Variants in UNK observed in about 807,000 individuals in gnomAD.
UNK encodes RING finger protein unkempt homolog.
In UNK, 32 loss-of-function variants were observed where a neutral mutation model predicts 97.6. The ratio of observed to expected loss-of-function variants is 0.33; its 90% CI spans 0.25 to 0.44. The LOEUF (loss-of-function observed/expected upper bound fraction) is 0.44. UNK is among the 20% of genes least tolerant of loss of function. The pLI, the probability that UNK is intolerant of heterozygous loss-of-function variation, is 1.00. For synonymous variants in UNK, 441 were observed against 461.2 expected (o/e 0.96, Z 0.56); for missense variants, 771 against 1,098.4 (o/e 0.70, Z 4.21).
chr17:75,796,569 G>A (rs534817559), intron 1 of UNK, among the ~76,000 whole-genome samples: 11 of 152,172 alleles, frequency 7.2e-5, no homozygotes, highest in African/African-American at 1.9e-4. Context: ...TCAAGCAGTC[G>A]TCCTGCCTCT....
Position 75,784,924 on chromosome 17 carries a change from C to T in UNK, c.44C>T (p.Ala15Val). The change falls in exon 1 of 16, where the codon GCG (alanine) becomes GTG (valine). Residue 15 changes from alanine to valine, a missense_variant. Coordinates refer to ENST00000589666, the MANE Select transcript of UNK (RefSeq NM_001080419.3). ...PGPGGSAASS[A>V]PPAATAQVLQ... ...CCCGGCGGCTCCGCAGCTTCCTCGG[C>T]GCCCCCGGCCGCTACCGCTCAGGTG... is the stretch of plus-strand genomic sequence containing the variant. The T allele has an allele frequency of 1.9e-6, 3 of 1,557,324 alleles. No homozygotes were observed. Among genetic ancestry groups the T allele is most frequent in the South Asian group, 1.2e-5 (1 of 85,448 alleles).
intron 1 of UNK, among the ~76,000 whole-genome samples, chr17:75,802,754 T>G (rs532858457): frequency 6.6e-5 from 10 of 152,162 alleles, no homozygotes; most frequent in Non-Finnish European, 1.3e-4. Context: ...TAAAACACAT[T>G]TTTGTTTGAG....
chr17:75,820,226 T>C, intron 13 of UNK, 118 bp downstream of exon 13: 1 of 1,081,466 alleles, frequency 9.2e-7, no homozygotes. Flanking sequence ...GGCAGAGGCC[T>C]TGGGCGAGGA....
chr17:75,792,517 T>G (rs774468775), intron 1 of UNK: 41 of 980,210 alleles, frequency 4.2e-5, no homozygotes, highest in Non-Finnish European at 4.8e-5. Flanking sequence ...ATATAAAAAT[T>G]ACATTAGCCT....
chr17:75,794,681 T>G (rs1008702777), intron 1 of UNK, among the ~76,000 whole-genome samples: 2 of 152,048 alleles, frequency 1.3e-5, no homozygotes, highest in Non-Finnish European at 2.9e-5. Context: ...GCATGGTAGT[T>G]AAGAGTACTG....
rs1437726965 is a variant in UNK at position 75,820,065 on chromosome 17, G to A, written c.1794G>A (p.Ser598=). ...AGCCCCAGGGCCACCTGAGTCAGTC[G>A]GAAAACACATTTTTGGGAACCTCAG... ...LQQPQGHLSQ[S]ENTFLGTSAS... The change falls in exon 13 of 16, where the codon TCG becomes TCA. Residue 598 remains serine (S), a synonymous_variant. Transcript: ENST00000589666. The A allele has an allele frequency of 6.2e-6, 10 of 1,613,456 alleles. No homozygotes were observed. The highest frequency in any genetic ancestry group is 5.0e-5 in the Admixed American group (3 of 59,926).
chr17:75,821,881 T>G, intron 13 of UNK: 1 of 363,962 alleles, frequency 2.7e-6, no homozygotes, highest in Non-Finnish European at 5.5e-6. Context: ...CATAGGCCTT[T>G]GGAACCACAC....
At position 75,825,550 on chromosome 17, in the gene UNK, T is replaced by G. The variant is rs2062112112; in HGVS notation, c.*1133T>G. The G allele has an allele frequency of 6.6e-6, 1 of 152,312 alleles. No individual in the cohort carries two copies. The highest frequency in any genetic ancestry group is 2.1e-4 in the South Asian group (1 of 4,842). The allele number at this position is 152,312 out of a possible 1,614,324, so 9.4% of individuals were successfully genotyped here. ...GTGTCTTAGCTTCCATTTTAAAAAT[T>G]GTTCTGTACAGAGAGAGATGCAGCA... On this transcript the variant is annotated 3_prime_UTR_variant, in exon 16 of 16. Coordinates refer to ENST00000589666, the MANE Select transcript of UNK (RefSeq NM_001080419.3). This position sits in a 1 kb window ranked among gnomAD's most constrained non-coding sequence, Gnocchi z 4.4.
Position 75,813,075 on chromosome 17 carries a change from C to T in UNK, c.623-3C>T, listed in dbSNP as rs930006156. The T allele has an allele frequency of 6.3e-7, 1 of 1,585,418 alleles. No individual in the cohort carries two copies. Among genetic ancestry groups the T allele is most frequent in the African/African-American group, 1.3e-5 (1 of 74,388 alleles). Reference sequence around the variant, plus strand: ...GACCCCTGCCCTCTGGCCCCCTGTGCAGAGACTGCTTATGTGCTGGGGAAC... The same window carrying T: ...GACCCCTGCCCTCTGGCCCCCTGTGTAGAGACTGCTTATGTGCTGGGGAAC... On this transcript the variant is annotated splice_region_variant and splice_polypyrimidine_tract_variant and intron_variant, in intron 4 of 15. Transcript: ENST00000589666.
chr17:75,814,489 C>CAAA (rs59234903), intron 6 of UNK, among the ~76,000 whole-genome samples: 878 of 69,050 alleles, frequency 0.013, 4 homozygotes, highest in Non-Finnish European at 0.017. Flanking sequence ...GAGACTCCAT[C>CAAA]AAAAAAAAAA....
chr17:75,799,610 C>T (rs2061837658), intron 1 of UNK, among the ~76,000 whole-genome samples: 1 of 152,188 alleles, frequency 6.6e-6, no homozygotes, highest in Non-Finnish European at 1.5e-5. Flanking sequence ...ACATCTCAAG[C>T]ACCTGCTGTG....
chr17:75,818,179 C>G lies in UNK; in HGVS notation c.1371+11C>G. ...CTTCAGCCCAAACAGGTATAGAGCT[C>G]TCAGCCCCCTTCCTCCCCTCTGCTG... is the stretch of plus-strand genomic sequence containing the variant. On this transcript the variant is annotated intron_variant, in intron 10 of 15. Coordinates refer to ENST00000589666, the MANE Select transcript of UNK (RefSeq NM_001080419.3). The surrounding 1 kb of genome is among the most constrained non-coding windows in gnomAD (Gnocchi z 5.1). The G allele has an allele frequency of 6.2e-7, 1 of 1,613,370 alleles. No homozygotes were observed. The highest frequency in any genetic ancestry group is 1.1e-5 in the South Asian group (1 of 91,054).
At chr17:75,790,290 C>A (rs1406830061) in intron 1 of UNK, among the ~76,000 whole-genome samples, 1 of 152,044 alleles carries the variant, frequency 6.6e-6, no homozygotes, top group Admixed American at 6.6e-5. Flanking sequence ...GAGCCAGACT[C>A]CATCTCAAGG....
In UNK at chr17:75,816,797, C is replaced by A. The variant is rs1050935669; in HGVS notation, c.989C>A (p.Pro330His). The A allele has an allele frequency of 1.9e-6, 3 of 1,605,596 alleles. No individual in the cohort carries two copies. The African/African-American group carries it at 4.0e-5, about 21-fold the overall frequency. The change falls in exon 8 of 16, where the codon CCT (proline) becomes CAT (histidine). Residue 330 changes from proline to histidine, a missense_variant. This residue lies in a region of UNK where 192 missense variants were observed against 202.4 expected (regional missense o/e 0.95). Transcript: ENST00000589666. This position sits in a 1 kb window ranked among gnomAD's most constrained non-coding sequence, Gnocchi z 4.0. ...EQPPLSDDLQ[P>H]SSAVSSPTQP... ...CCACCCCTGAGTGACGACCTGCAGC[C>A]TTCCTCAGCTGTGTCCAGCCCCACC...
chr17:75,785,097 T>G, intron 1 of UNK, 113 bp downstream of exon 1: 2 of 610,580 alleles, frequency 3.3e-6, no homozygotes, highest in Non-Finnish European at 5.3e-6. Context: ...CCCTTCCTCC[T>G]CCGGCCCGGC....
intron 2 of UNK, 68 bp downstream of exon 2, chr17:75,810,037 G>A (rs2061954333): frequency 6.3e-7 from 1 of 1,575,162 alleles, no homozygotes; most frequent in Non-Finnish European, 8.7e-7. Context: ...CTCAGGGTAG[G>A]CTGGGCAGAT....
At chr17:75,789,987 CA>C (rs71161243) in intron 1 of UNK, among the ~76,000 whole-genome samples, 77,299 of 151,610 alleles carry the variant, frequency 0.51, 23,699 homozygotes, top group South Asian at 0.66. Context: ...ACTAAAAATA[CA>C]AAAAAATAGC....
Position 75,809,787 on chromosome 17 carries a change from G to T in UNK, c.132G>T (p.Gln44His), listed in dbSNP as rs139729499. 3.1e-5 allele frequency: 50 copies of T among 1,612,232 alleles called. 1 individual carries two copies. The East Asian group carries it at 3.1e-4, about 10-fold the overall frequency. Reference protein sequence around the residue: ...YTYLKEFRTEQCPLFVQHKCT... With the variant: ...YTYLKEFRTEHCPLFVQHKCT... ...ACCTGAAAGAATTCCGCACAGAGCA[G>T]TGCCCACTCTTTGTGCAACACAAAT... The change falls in exon 2 of 16, where the codon CAG becomes CAT. Residue 44 changes from glutamine (Q) to histidine (H), a missense_variant. By Grantham distance (24) the Gln-to-His change is conservative. Coordinates refer to ENST00000589666, the MANE Select transcript of UNK (RefSeq NM_001080419.3).
At chr17:75,812,044 C>G in intron 2 of UNK, 68 bp from the exon 3 acceptor site, 1 of 1,497,708 alleles carries the variant, frequency 6.7e-7, no homozygotes, top group Non-Finnish European at 9.0e-7. Flanking sequence ...GGGGTAAGGG[C>G]AGGGGGTAGG....
Sources: gnomAD v4.1 joint callset for allele counts (sites outside exome capture counted in the v4.1 genomes callset) on GRCh38, gnomAD v4.1.1 for gene constraint, gnomAD v4.1.1 regional missense constraint, Gnocchi (gnomAD v3.1) non-coding constraint, MANE v1.5 for transcripts, NCBI Gene and HGNC (gene_info 2026-07-23, HGNC 2026-07-21) for gene names.